CYB5R4: variants seen among roughly 807,000 people sequenced by gnomAD.
The protein encoded by CYB5R4 is cytochrome b5 reductase 4.
Under a neutral mutation model 70.2 loss-of-function variants are expected in CYB5R4, and 55 were observed. The ratio of observed to expected loss-of-function variants is 0.78; its 90% CI spans 0.63 to 0.98. The LOEUF is 0.98. CYB5R4 is among the 50% of genes least tolerant of loss of function. The pLI is 0.00. For missense variants in CYB5R4, 562 were observed against 612.6 expected (o/e 0.92, Z 0.87); for synonymous variants, 197 against 199.5 (o/e 0.99, Z 0.11).
chr6:83,915,253 T>C (rs1471333556), intron 5 of CYB5R4, among the ~76,000 whole-genome samples: 1 of 152,184 alleles, frequency 6.6e-6, no homozygotes, highest in Non-Finnish European at 1.5e-5. Flanking sequence ...TGAACTATAT[T>C]GATGTACATT....
chr6:83,893,311 C>T (rs2099461420), intron 2 of CYB5R4, among the ~76,000 whole-genome samples: 1 of 152,186 alleles, frequency 6.6e-6, no homozygotes, highest in South Asian at 2.1e-4. Context: ...CTCTTGTTAT[C>T]TGCCAGGACC....
chr6:83,906,972 T>A (rs1190497894), intron 3 of CYB5R4, among the ~76,000 whole-genome samples: 1 of 152,236 alleles, frequency 6.6e-6, no homozygotes, highest in African/African-American at 2.4e-5. Context: ...AGTATTTTGC[T>A]AATTTAAGTA....
At position 83,961,703 on chromosome 6, in the gene CYB5R4, AC is replaced by A. The variant is rs2099473373; in HGVS notation, c.*1826del. ...TGAAAATAGACTAATATAAAAAGAGACTATTTACCACTTTTTTTTAGTTCAT... is the reference window on the plus strand; with the variant it reads ...TGAAAATAGACTAATATAAAAAGAGATATTTACCACTTTTTTTTAGTTCAT... On this transcript the variant is annotated 3_prime_UTR_variant, in exon 16 of 16. Coordinates refer to ENST00000369681, the MANE Select transcript of CYB5R4 (RefSeq NM_016230.4). 6.6e-6 allele frequency: 1 copy of A among 152,018 alleles called. No homozygotes were observed. The highest frequency in any genetic ancestry group is 2.1e-4 in the South Asian group (1 of 4,814). 9.4% of individuals were successfully genotyped at this position (152,018 alleles called of 1,614,324 possible). A position where few individuals can be genotyped will look rare whatever the true frequency, so the allele number is the denominator to read the frequency against.
At chr6:83,944,246 A>G (rs914452467) in intron 14 of CYB5R4, among the ~76,000 whole-genome samples, 1 of 152,124 alleles carries the variant, frequency 6.6e-6, no homozygotes, top group Non-Finnish European at 1.5e-5. Flanking sequence ...CTCTGCAGAA[A>G]CCCTACAAAC....
intron 14 of CYB5R4, among the ~76,000 whole-genome samples, chr6:83,952,166 G>T (rs1432093283): frequency 6.6e-6 from 1 of 152,096 alleles, no homozygotes; most frequent in Admixed American, 6.6e-5. Context: ...GGTCACAAAG[G>T]AAACGGGACT....
At chr6:83,862,945 G>A (rs1451798977) in intron 1 of CYB5R4, among the ~76,000 whole-genome samples, 1 of 152,198 alleles carries the variant, frequency 6.6e-6, no homozygotes, top group African/African-American at 2.4e-5. Flanking sequence ...TACTTTGGGA[G>A]TAAATGGATG....
intron 14 of CYB5R4, among the ~76,000 whole-genome samples, chr6:83,948,352 C>A (rs1008183603): frequency 6.6e-6 from 1 of 152,110 alleles, no homozygotes; most frequent in Non-Finnish European, 1.5e-5. Context: ...GAACATCACA[C>A]AACAGGGCCT....
intron 2 of CYB5R4, among the ~76,000 whole-genome samples, chr6:83,883,597 C>T (rs2099459794): frequency 6.6e-6 from 1 of 152,022 alleles, no homozygotes; most frequent in Non-Finnish European, 1.5e-5. Flanking sequence ...AAGACTTTTT[C>T]AGATAAACCA....
At chr6:83,940,008 G>GT (rs749937494) in intron 12 of CYB5R4, 48 bp from the exon 13 acceptor site, 13 of 1,388,566 alleles carry the variant, frequency 9.4e-6, no homozygotes, top group Middle Eastern at 2.4e-4. Flanking sequence ...TTTTTGTTTT[G>GT]TTTTTTGTTT....
chr6:83,926,357 C>CT (rs758377339), intron 10 of CYB5R4: 9,195 of 145,168 alleles, frequency 0.063, 345 homozygotes, highest in African/African-American at 0.11. Context: ...TTTTTTCTTT[C>CT]TTTTTTTTTT....
At chr6:83,910,351 C>T in intron 4 of CYB5R4, 1 of 549,880 alleles carries the variant, frequency 1.8e-6, no homozygotes, top group South Asian at 2.1e-5. Flanking sequence ...AAGACGGTTA[C>T]TGGTGGAGAG....
chr6:83,959,150 AT>A (rs1220903940), intron 15 of CYB5R4, among the ~76,000 whole-genome samples: 16 of 152,208 alleles, frequency 1.1e-4, no homozygotes, highest in African/African-American at 3.9e-4. Flanking sequence ...TGATTAATGA[AT>A]AAAGAATGAT....
chr6:83,922,242 A>T lies in CYB5R4; in HGVS notation c.659-196A>T, dbSNP rs7770104. Among the ~76,000 whole-genome samples, 1,118 of 152,226 alleles carry T rather than the reference A, an allele frequency of 7.3e-3. 14 individuals carry two copies. Among genetic ancestry groups the T allele is most frequent in the African/African-American group, 0.025 (1,049 of 41,480 alleles). Reference sequence around the variant, plus strand: ...TCTTTAGTTAAAAGGGAGAAAAATGAAACAATTGAAAATGTATGTATTTAA... The same window carrying T: ...TCTTTAGTTAAAAGGGAGAAAAATGTAACAATTGAAAATGTATGTATTTAA... On this transcript the variant is annotated intron_variant, in intron 8 of 15. Transcript: ENST00000369681.
At chr6:83,910,223 C>A in intron 4 of CYB5R4, 3 of 1,299,370 alleles carry the variant, frequency 2.3e-6, no homozygotes, top group Non-Finnish European at 3.2e-6. Context: ...GGAAGTTCAA[C>A]TTTTGTAAAG....
At chr6:83,867,666 T>C (rs1196729670) in intron 2 of CYB5R4, among the ~76,000 whole-genome samples, 2 of 152,208 alleles carry the variant, frequency 1.3e-5, no homozygotes, top group East Asian at 3.9e-4. Context: ...ACGATCCCAA[T>C]GAAACTAAAA....
At position 83,965,499 on chromosome 6, in the gene CYB5R4, T is replaced by C. The variant is rs2099473923; in HGVS notation, c.*5621T>C. 1 of 152,248 alleles carries C rather than the reference T, an allele frequency of 6.6e-6. No individual in the cohort carries two copies. Among genetic ancestry groups the C allele is most frequent in the South Asian group, 2.1e-4 (1 of 4,836 alleles). 9.4% of individuals were successfully genotyped at this position (152,248 alleles called of 1,614,324 possible). On this transcript the variant is annotated 3_prime_UTR_variant, in exon 16 of 16. Coordinates refer to ENST00000369681, the MANE Select transcript of CYB5R4 (RefSeq NM_016230.4). ...AATGGCTGTATTTACCCAATACCTG[T>C]ACCCTCATTGTATCTAGGAAGTAAC... is the stretch of plus-strand genomic sequence containing the variant.
At chr6:83,908,227 C>T (rs756620322) in intron 3 of CYB5R4, among the ~76,000 whole-genome samples, 5 of 152,050 alleles carry the variant, frequency 3.3e-5, no homozygotes, top group Admixed American at 6.6e-5. Flanking sequence ...CTCAAATGAT[C>T]GGTAATATTG....
intron 14 of CYB5R4, among the ~76,000 whole-genome samples, chr6:83,942,775 G>C (rs866208757): frequency 3.3e-5 from 5 of 152,086 alleles, no homozygotes; most frequent in Admixed American, 2.6e-4. Flanking sequence ...GAGCCTGGTG[G>C]GGGGAGGGGC....
chr6:83,902,918 G>A (rs2099463217), intron 3 of CYB5R4, among the ~76,000 whole-genome samples: 1 of 152,006 alleles, frequency 6.6e-6, no homozygotes, highest in Admixed American at 6.6e-5. Context: ...CAGCTCTAAG[G>A]TATTTGGTGG....
Sources: gnomAD v4.1 joint callset for allele counts (sites outside exome capture counted in the v4.1 genomes callset) on GRCh38, gnomAD v4.1.1 for gene constraint, MANE v1.5 for transcripts, NCBI Gene and HGNC (gene_info 2026-07-23, HGNC 2026-07-21) for gene names.